Variants in FNDC3A observed in about 807,000 individuals in gnomAD.
The protein encoded by FNDC3A is fibronectin type-III domain-containing protein 3A.
In FNDC3A, 32 loss-of-function variants were observed where a neutral mutation model predicts 148.9. The ratio of observed to expected loss-of-function variants is 0.21; its 90% CI spans 0.16 to 0.29. The LOEUF is 0.29. Among genes scored for constraint, FNDC3A ranks in the 10% least tolerant of loss-of-function variants. The pLI is 1.00. For synonymous variants in FNDC3A, 472 were observed against 473.6 expected (o/e 1.00, Z 0.04); for missense variants, 1,191 against 1,452.8 (o/e 0.82, Z 2.93).
At chr13:49,058,965 C>G (rs1316830984) in intron 2 of FNDC3A, among the ~76,000 whole-genome samples, 2 of 152,110 alleles carry the variant, frequency 1.3e-5, no homozygotes, top group African/African-American at 4.8e-5. Context: ...CTTTCAGTTC[C>G]CAGTTTCTAA....
At chr13:49,174,374 A>G (rs1884917523) in intron 11 of FNDC3A, 61 bp from the exon 12 acceptor site, 1 of 1,379,008 alleles carries the variant, frequency 7.3e-7, no homozygotes, top group East Asian at 2.3e-5. Flanking sequence ...GAAGGAATTG[A>G]TGCGAATTTA....
At chr13:49,146,085 T>G in intron 8 of FNDC3A, 150 bp downstream of exon 8, 1 of 585,306 alleles carries the variant, frequency 1.7e-6, no homozygotes, top group South Asian at 2.3e-5. Flanking sequence ...ATGTAAATGG[T>G]CCAAATGTAG....
chr13:49,062,491 T>G (rs1876965915), intron 2 of FNDC3A, among the ~76,000 whole-genome samples: 3 of 152,214 alleles, frequency 2.0e-5, no homozygotes, highest in African/African-American at 4.8e-5. Context: ...CAAACTAGTT[T>G]AAATGTTAGC....
chr13:49,116,910 G>T (rs1881003369), intron 4 of FNDC3A, among the ~76,000 whole-genome samples: 1 of 152,154 alleles, frequency 6.6e-6, no homozygotes, highest in Non-Finnish European at 1.5e-5. Context: ...GGTTAGCTAT[G>T]CATCTATCTG....
At chr13:49,187,644 G>A (rs1302066659) in intron 16 of FNDC3A, 2 of 1,598,692 alleles carry the variant, frequency 1.3e-6, no homozygotes, top group African/African-American at 2.7e-5. Context: ...CAGAGGTTGT[G>A]AACCTCCGGA....
intron 2 of FNDC3A, among the ~76,000 whole-genome samples, chr13:49,012,988 T>A (rs1250768912): frequency 6.6e-6 from 1 of 152,120 alleles, no homozygotes; most frequent in African/African-American, 2.4e-5. Context: ...AGCATGATGT[T>A]TATTATACAT....
At chr13:49,096,265 G>C (rs1381248893) in intron 3 of FNDC3A, among the ~76,000 whole-genome samples, 1 of 152,050 alleles carries the variant, frequency 6.6e-6, no homozygotes, top group Non-Finnish European at 1.5e-5. Flanking sequence ...TATGGCTCCA[G>C]AGGTTAAAAT....
At chr13:49,191,631 G>C (rs1885893595) in intron 19 of FNDC3A, among the ~76,000 whole-genome samples, 1 of 152,184 alleles carries the variant, frequency 6.6e-6, no homozygotes, top group Non-Finnish European at 1.5e-5. Flanking sequence ...AGCTGGGCTA[G>C]AGTTTACCTT....
intron 8 of FNDC3A, among the ~76,000 whole-genome samples, chr13:49,159,246 C>G (rs1366970397): frequency 1.3e-5 from 2 of 152,196 alleles, no homozygotes; most frequent in Non-Finnish European, 2.9e-5. Context: ...TTCTTCCTAT[C>G]CATGAGCATG....
intron 4 of FNDC3A, among the ~76,000 whole-genome samples, chr13:49,122,069 TC>T (rs559085991): frequency 1.7e-3 from 260 of 152,282 alleles, no homozygotes; most frequent in African/African-American, 6.1e-3. Context: ...CAGGCCAGTA[TC>T]CCTGATGAAG....
chr13:49,126,205 T>C (rs1212637593), intron 4 of FNDC3A, among the ~76,000 whole-genome samples: 1 of 152,072 alleles, frequency 6.6e-6, no homozygotes, highest in Non-Finnish European at 1.5e-5. Context: ...ACCGTGCTCT[T>C]GGTTCTTGTC....
intron 3 of FNDC3A, among the ~76,000 whole-genome samples, chr13:49,089,061 A>G (rs1283067601): frequency 6.6e-6 from 1 of 152,184 alleles, no homozygotes; most frequent in Non-Finnish European, 1.5e-5. Context: ...TTAGTATTTA[A>G]TGGGTACAGA....
At chr13:48,997,510 G>A (rs1952044766) in intron 1 of FNDC3A, among the ~76,000 whole-genome samples, 1 of 152,122 alleles carries the variant, frequency 6.6e-6, no homozygotes, top group Non-Finnish European at 1.5e-5. Context: ...GGCCTTTGGA[G>A]ATAATTTGGC....
At chr13:49,108,813 G>A (rs922639904) in intron 3 of FNDC3A, among the ~76,000 whole-genome samples, 14 of 152,082 alleles carry the variant, frequency 9.2e-5, no homozygotes, top group Admixed American at 5.9e-4. Context: ...CTTTGGTCTC[G>A]TTTTTCAGGG....
At chr13:49,133,048 A>G (rs879770815) in intron 5 of FNDC3A, among the ~76,000 whole-genome samples, 2 of 152,220 alleles carry the variant, frequency 1.3e-5, no homozygotes, top group African/African-American at 2.4e-5. Context: ...TTGAAATTAC[A>G]CAACACAGCC....
At chr13:49,147,547 G>GT (rs965810553) in intron 8 of FNDC3A, among the ~76,000 whole-genome samples, 1 of 151,492 alleles carries the variant, frequency 6.6e-6, no homozygotes, top group African/African-American at 2.4e-5. Context: ...AAAAAAAAAA[G>GT]TAGGGAATAG....
In FNDC3A at chr13:49,168,746, T is replaced by TG; in HGVS notation, c.1173dup (p.Lys392GlufsTer4). On this transcript the variant is annotated frameshift_variant, in exon 10 of 26. Transcript: ENST00000492622. LOFTEE classifies it high-confidence loss of function. ...GACCAAAAATTCACTCACTTTGCAATGGAAGGTAAGAATATTCTTTAGGGT... is the reference window on the plus strand; with the variant it reads ...GACCAAAAATTCACTCACTTTGCAATGGGAAGGTAAGAATATTCTTTAGGGT... 1 of 1,613,398 alleles carries TG rather than the reference T, an allele frequency of 6.2e-7. No homozygotes were observed.
intron 2 of FNDC3A, among the ~76,000 whole-genome samples, chr13:49,019,680 T>G (rs1195912051): frequency 2.6e-5 from 4 of 152,240 alleles, no homozygotes; most frequent in Non-Finnish European, 5.9e-5. Flanking sequence ...CTAAACCCAA[T>G]TTCATTGTGA....
intron 2 of FNDC3A, among the ~76,000 whole-genome samples, chr13:49,056,186 CAA>C (rs71076063): frequency 1.1e-4 from 15 of 131,312 alleles, no homozygotes; most frequent in Non-Finnish European, 9.8e-5. Context: ...GACCCTGCCT[CAA>C]AAAAAAAAAA....
Sources: allele counts gnomAD v4.1 joint callset (sites outside exome capture counted in the v4.1 genomes callset), GRCh38; gene constraint gnomAD v4.1.1; transcripts MANE v1.5; gene names NCBI Gene and HGNC (gene_info 2026-07-23, HGNC 2026-07-21).